The following AHNAK variants were observed in gnomAD, a reference collection of about 807,000 sequenced individuals.
AHNAK encodes neuroblast differentiation-associated protein AHNAK.
In AHNAK, 23 loss-of-function variants were observed where a neutral mutation model predicts 37.8. The observed-to-expected ratio is 0.61, with a 90% CI of 0.44 to 0.86. AHNAK has a LOEUF of 0.86. Ranked by LOEUF, AHNAK falls within the 40% of genes least tolerant of loss-of-function variation. The pLI is 0.00. For missense variants in AHNAK, 7,411 were observed against 7,319.4 expected, an observed-to-expected ratio of 1.01 and a Z score of -0.46; for synonymous variants, 2,481 against 2,636.3, an observed-to-expected ratio of 0.94 and a Z score of 1.80.
At chr11:62,502,097 C>T (rs1341760769) in intron 4 of AHNAK, among the ~76,000 whole-genome samples, 1 of 152,166 alleles carries the variant, frequency 6.6e-6, no homozygotes, top group African/African-American at 2.4e-5. Context: ...CCTCAACTTC[C>T]TGCCCCAAGC....
Position 62,527,457 on chromosome 11 carries a change from A to T in AHNAK, c.6960T>A (p.Asn2320Lys). 3 of 1,613,982 alleles carry T rather than the reference A, an allele frequency of 1.9e-6. No individual in the cohort carries two copies. The highest frequency in any genetic ancestry group is 1.6e-4 in the Middle Eastern group (1 of 6,062). ...PKISMPDVDF[N>K]LKGPKIKGDV... ...CTCCTTTGATTTTGGGTCCCTTTAAATTGAAATCAACATCAGGCATGGAGA... is the reference window on the plus strand; with the variant it reads ...CTCCTTTGATTTTGGGTCCCTTTAATTTGAAATCAACATCAGGCATGGAGA... The change falls in exon 5 of 5, where the codon AAT becomes AAA. Residue 2320 changes from asparagine to lysine, a missense_variant. Transcript: ENST00000378024.
chr11:62,471,998 G>C (rs1469731907), intron 5 of AHNAK, among the ~76,000 whole-genome samples: 1 of 152,076 alleles, frequency 6.6e-6, no homozygotes, highest in African/African-American at 2.4e-5. Flanking sequence ...CCAGGGTCTG[G>C]GTCATCTCCC....
intron 4 of AHNAK, among the ~76,000 whole-genome samples, chr11:62,509,439 A>G (rs1939868089): frequency 6.6e-6 from 1 of 152,042 alleles, no homozygotes; most frequent in African/African-American, 2.4e-5. Flanking sequence ...AATCCCAGCT[A>G]TTCAGGAGGC....
At chr11:62,544,039 A>T (rs1590697365) in intron 1 of AHNAK, among the ~76,000 whole-genome samples, 1 of 150,690 alleles carries the variant, frequency 6.6e-6, no homozygotes, top group African/African-American at 2.4e-5. Context: ...AGCCCCACAC[A>T]CCCCTCCGCC....
intron 1 of AHNAK, among the ~76,000 whole-genome samples, chr11:62,543,021 C>T (rs1185612459): frequency 6.6e-6 from 1 of 152,152 alleles, no homozygotes; most frequent in Admixed American, 6.5e-5. Context: ...CGAGCCCCGC[C>T]AGGACACGTA....
chr11:62,512,094 G>T (rs1190752348), downstream of AHNAK, among the ~76,000 whole-genome samples: 1 of 152,172 alleles, frequency 6.6e-6, no homozygotes, highest in African/African-American at 2.4e-5. The surrounding 1 kb of genome is among the most constrained non-coding windows in gnomAD (Gnocchi z 4.0). Context: ...CAATCCACCT[G>T]CCTCGGCCTC....
chr11:62,483,497 C>T (rs492751), intron 5 of AHNAK, among the ~76,000 whole-genome samples: 28,206 of 151,590 alleles, frequency 0.19, 8,052 homozygotes, highest in African/African-American at 0.62. Context: ...GAGGCCGAGG[C>T]GGGCGGATCA....
chr11:62,527,120 C>T lies in AHNAK; in HGVS notation c.7297G>A (p.Glu2433Lys). 6.2e-7 allele frequency: 1 copy of T among 1,614,070 alleles called. No individual in the cohort carries two copies. Among genetic ancestry groups the T allele is most frequent in the Non-Finnish European group, 8.5e-7 (1 of 1,180,002 alleles). ...SGPDIDIEGPEGKLKGPKFKM... is the reference protein window; with the variant it reads ...SGPDIDIEGPKGKLKGPKFKM... ...AACTTAGGGCCTTTCAATTTGCCCT[C>T]TGGTCCCTCAATGTCAATGTCTGGC... Residue 2433 changes from glutamate (E) to lysine (K), a missense_variant, in exon 5 of 5, where the codon GAG (glutamate) becomes AAG (lysine). Transcript: ENST00000378024.
chr11:62,525,010 G>T lies in AHNAK; in HGVS notation c.9407C>A (p.Ala3136Asp). ...DIKGPKVDIN[A>D]PDVDVQGPDW... ...TGGGCCTTGAACATCCACATCTGGGGCATTAATATCCACTTTGGGGCCTTT... is the reference window on the plus strand; with the variant it reads ...TGGGCCTTGAACATCCACATCTGGGTCATTAATATCCACTTTGGGGCCTTT... Residue 3136 changes from alanine (A) to aspartate (D), a missense_variant, in exon 5 of 5, where the codon GCC (alanine) becomes GAC (aspartate). Ala to Asp is a moderately radical substitution (Grantham distance 126). Coordinates refer to ENST00000378024, the MANE Select transcript of AHNAK (RefSeq NM_001620.3). 6.2e-7 allele frequency: 1 copy of T among 1,611,642 alleles called. No individual in the cohort carries two copies. Among genetic ancestry groups the T allele is most frequent in the South Asian group, 1.1e-5 (1 of 90,958 alleles).
Position 62,533,245 on chromosome 11 carries a change from G to T in AHNAK, c.1172C>A (p.Pro391Gln). Residue 391 changes from proline to glutamine, a missense_variant, in exon 5 of 5, where the codon CCA (proline) becomes CAA (glutamine). Transcript: ENST00000378024. The part of the protein sequence containing the change: ...EGDLGLKGAK[P>Q]QGHIGVDASA... ...GGCATCCACCCCAATGTGCCCCTGT[G>T]GCTTGGCACCTTTCAGGCCTAGGTC... The T allele has an allele frequency of 6.6e-7, 1 of 1,525,810 alleles. No homozygotes were observed. The highest frequency in any genetic ancestry group is 8.8e-7 in the Non-Finnish European group (1 of 1,141,064). The allele number at this position is 1,525,810 out of a possible 1,614,324, so 94.5% of individuals were successfully genotyped here.
rs1340729386 is a variant in AHNAK at position 62,527,210 on chromosome 11, C to T, written c.7207G>A (p.Glu2403Lys). 4 of 1,612,078 alleles carry T rather than the reference C, an allele frequency of 2.5e-6. No individual in the cohort carries two copies. The African/African-American group carries it at 4.0e-5, about 16-fold the overall frequency. The change falls in exon 5 of 5, where the codon GAG becomes AAG. Residue 2403 changes from glutamate to lysine, a missense_variant. Physicochemically the swap from Glu to Lys is moderately conservative, Grantham distance 56. Transcript: ENST00000378024. ...LHLKSPKAKG[E>K]VDVDVPKLEG... The stretch of plus-strand genomic sequence containing the variant: ...AATTTGGGAACATCTACATCCACCT[C>T]TCCTTTTGCCTTGGGGCTCTTCAAG...
In AHNAK at chr11:62,527,447, G is replaced by T. The variant is rs772434841; in HGVS notation, c.6970C>A (p.Pro2324Thr). Residue 2324 changes from proline (P) to threonine (T), a missense_variant, in exon 5 of 5, where the codon CCC becomes ACC. Physicochemically the swap from Pro to Thr is conservative, Grantham distance 38 (BLOSUM62 -1). Coordinates refer to ENST00000378024, the MANE Select transcript of AHNAK (RefSeq NM_001620.3). ...ACATCAACATCTCCTTTGATTTTGG[G>T]TCCCTTTAAATTGAAATCAACATCA... ...MPDVDFNLKG[P>T]KIKGDVDVSA... The T allele has an allele frequency of 6.2e-7, 1 of 1,613,992 alleles. No individual in the cohort carries two copies. Among genetic ancestry groups the T allele is most frequent in the African/African-American group, 1.3e-5 (1 of 74,896 alleles).
At chr11:62,486,353 A>C (rs745467010) in intron 5 of AHNAK, among the ~76,000 whole-genome samples, 17 of 151,426 alleles carry the variant, frequency 1.1e-4, no homozygotes, top group Non-Finnish European at 2.4e-4. Context: ...CATGCCTGTA[A>C]TCCCAGCTAC....
chr11:62,473,684 CA>C (rs34646308), intron 5 of AHNAK, among the ~76,000 whole-genome samples: 140,867 of 145,790 alleles, frequency 0.97, 68,239 homozygotes, highest in African/African-American at 0.99. Context: ...GACTCCGTCT[CA>C]AAAAAAAAAA....
chr11:62,543,897 T>C (rs929977233), intron 1 of AHNAK, among the ~76,000 whole-genome samples: 4 of 152,162 alleles, frequency 2.6e-5, no homozygotes, highest in Admixed American at 2.0e-4. Context: ...AGAGAAACTT[T>C]GGGGCCTCGG....
chr11:62,461,439 C>T (rs7118438), intron 5 of AHNAK, among the ~76,000 whole-genome samples: 6,686 of 152,180 alleles, frequency 0.044, 499 homozygotes, highest in African/African-American at 0.15. Flanking sequence ...CCACTGCGCC[C>T]GGCCCAAGTT....
Position 62,527,303 on chromosome 11 carries a change from G to A in AHNAK, c.7114C>T (p.Pro2372Ser), listed in dbSNP as rs1019126907. 5 of 1,613,600 alleles carry A rather than the reference G, an allele frequency of 3.1e-6. No individual in the cohort carries two copies. Among genetic ancestry groups the A allele is most frequent in the African/African-American group, 2.7e-5 (2 of 74,772 alleles). ...TGCATATCTGGCATCTTGAACTTAG[G>A]AGTTTTCCACTTGCCATTTGGGCCT... is the stretch of plus-strand genomic sequence containing the variant. ...VEGPNGKWKT[P>S]KFKMPDMHFK... Residue 2372 changes from proline to serine, a missense_variant, in exon 5 of 5, where the codon CCT becomes TCT. By Grantham distance (74) the Pro-to-Ser change is moderately conservative (BLOSUM62 -1). Coordinates refer to ENST00000378024, the MANE Select transcript of AHNAK (RefSeq NM_001620.3).
In AHNAK at chr11:62,533,621, C is replaced by G. The variant is rs372333517; in HGVS notation, c.796G>C (p.Asp266His). ...SGVNVNAKGL[D>H]LGGRGGVQVP... is the part of the protein sequence containing the mutation. Reference sequence around the variant, plus strand: ...TGGACCCCTCCTCTGCCACCCAAGTCCAAGCCCTTTGCATTGACATTGACA... The same window carrying G: ...TGGACCCCTCCTCTGCCACCCAAGTGCAAGCCCTTTGCATTGACATTGACA... Residue 266 changes from aspartate (D) to histidine (H), a missense_variant, in exon 5 of 5, where the codon GAC becomes CAC. Coordinates refer to ENST00000378024, the MANE Select transcript of AHNAK (RefSeq NM_001620.3). The G allele has an allele frequency of 5.0e-6, 8 of 1,614,036 alleles. No homozygotes were observed. Among genetic ancestry groups the G allele is most frequent in the Non-Finnish European group, 5.1e-6 (6 of 1,180,044 alleles).
At chr11:62,477,932 C>T (rs931337534) in intron 5 of AHNAK, among the ~76,000 whole-genome samples, 2 of 152,084 alleles carry the variant, frequency 1.3e-5, no homozygotes, top group African/African-American at 4.8e-5. Flanking sequence ...CCTTCCTGGC[C>T]AAGGAGTAAC....
Sources: gnomAD v4.1 joint callset for allele counts (sites outside exome capture counted in the v4.1 genomes callset) on GRCh38, gnomAD v4.1.1 for gene constraint, Gnocchi (gnomAD v3.1) non-coding constraint, MANE v1.5 for transcripts, NCBI Gene and HGNC (gene_info 2026-07-23, HGNC 2026-07-21) for gene names.